Variants in CPQ observed in about 807,000 individuals in gnomAD.
The protein encoded by CPQ is Ser-Met dipeptidase.
CPQ carries 37 observed loss-of-function variants against 45.7 expected under a neutral mutation model. The ratio of observed to expected loss-of-function variants is 0.81; its 90% CI spans 0.62 to 1.07. The LOEUF (loss-of-function observed/expected upper bound fraction) is 1.07, where lower values mean the gene tolerates loss of function less well. CPQ is among the 50% of genes least tolerant of loss of function. The pLI is 0.00. For missense variants in CPQ, 537 were observed against 572.9 expected (o/e 0.94, Z 0.64); for synonymous variants, 186 against 205.8 (o/e 0.90, Z 0.82).
intron 6 of CPQ, 43 bp downstream of exon 6, chr8:97,029,537 T>C (rs1809861015): frequency 2.0e-6 from 3 of 1,509,366 alleles, no homozygotes; most frequent in Admixed American, 3.8e-5. Flanking sequence ...GTACATGTAA[T>C]ATACAAAAAT....
chr8:97,070,532 A>C (rs1810722262), intron 7 of CPQ, among the ~76,000 whole-genome samples: 1 of 152,182 alleles, frequency 6.6e-6, no homozygotes, highest in Admixed American at 6.6e-5. Flanking sequence ...AAGCTTTTAG[A>C]TACTTCAGTT....
chr8:96,787,064 C>T (rs1006163101), intron 2 of CPQ, among the ~76,000 whole-genome samples: 6 of 151,672 alleles, frequency 4.0e-5, no homozygotes, highest in Admixed American at 3.3e-4. Context: ...CTTTTGTTGC[C>T]TGTGCTTTTG....
At chr8:97,022,617 CAT>C (rs1204307651) in intron 5 of CPQ, among the ~76,000 whole-genome samples, 4 of 152,094 alleles carry the variant, frequency 2.6e-5, no homozygotes, top group South Asian at 2.1e-4. Flanking sequence ...GGCCAACAAA[CAT>C]ATGAAAAAAT....
chr8:96,674,324 A>G (rs1250822449), intron 1 of CPQ, among the ~76,000 whole-genome samples: 1 of 152,086 alleles, frequency 6.6e-6, no homozygotes, highest in African/African-American at 2.4e-5. Flanking sequence ...GTTTATTGAG[A>G]CTGATAAATA....
At chr8:96,742,551 A>T (rs1810107931) in intron 1 of CPQ, among the ~76,000 whole-genome samples, 2 of 150,458 alleles carry the variant, frequency 1.3e-5, no homozygotes, top group Admixed American at 1.3e-4. Context: ...TCCTTAGTTG[A>T]TGCAGTTTCT....
chr8:97,039,234 C>A (rs1229940184), intron 6 of CPQ, among the ~76,000 whole-genome samples: 1 of 152,072 alleles, frequency 6.6e-6, no homozygotes, highest in African/African-American at 2.4e-5. Flanking sequence ...GAACAGAACC[C>A]TTTATAAAGA....
chr8:96,900,649 T>A (rs1812502140), intron 4 of CPQ, among the ~76,000 whole-genome samples: 1 of 152,202 alleles, frequency 6.6e-6, no homozygotes, highest in African/African-American at 2.4e-5. Context: ...TAGTGCTGCT[T>A]ATAAATGATG....
chr8:96,926,017 T>C (rs916775768), intron 4 of CPQ, among the ~76,000 whole-genome samples: 9 of 152,174 alleles, frequency 5.9e-5, no homozygotes, highest in South Asian at 4.1e-4. Flanking sequence ...GCTCAAGTTA[T>C]TACAATGTGC....
chr8:96,833,342 GAC>G (rs1302476941), intron 2 of CPQ, among the ~76,000 whole-genome samples: 1 of 152,096 alleles, frequency 6.6e-6, no homozygotes, highest in Non-Finnish European at 1.5e-5. Flanking sequence ...TGGAAGCATA[GAC>G]CATAATGAAG....
At chr8:96,967,044 C>G (rs1348127872) in intron 5 of CPQ, among the ~76,000 whole-genome samples, 1 of 152,228 alleles carries the variant, frequency 6.6e-6, no homozygotes, top group Non-Finnish European at 1.5e-5. Context: ...CTGAAAATCA[C>G]ACATTCCTTC....
intron 2 of CPQ, among the ~76,000 whole-genome samples, chr8:96,816,147 T>G (rs751231222): frequency 1.3e-5 from 2 of 152,178 alleles, no homozygotes; most frequent in Non-Finnish European, 2.9e-5. Context: ...ACAGTAGGAC[T>G]TCCAAAATTG....
Position 96,741,586 on chromosome 8 carries a change from T to A in CPQ, c.-34-43278T>A, listed in dbSNP as rs1310946989. Among the ~76,000 whole-genome samples the A allele has an allele frequency of 5.9e-5, 9 of 152,346 alleles. No individual in the cohort carries two copies. In the South Asian group the frequency reaches 1.7e-3, roughly 28 times the overall value. On this transcript the variant is annotated intron_variant, in intron 1 of 7. Transcript: ENST00000220763. ...GATGTTAGGGTGTCAATTTTGGATC[T>A]TTCCTGCTTTCTCTTGTGGGCGTTT...
At chr8:96,769,987 T>C (rs1363233036) in intron 1 of CPQ, among the ~76,000 whole-genome samples, 1 of 152,198 alleles carries the variant, frequency 6.6e-6, no homozygotes. Flanking sequence ...TTTGTTGTTT[T>C]ATACACTCAG....
At chr8:97,021,560 C>T (rs1054404661) in intron 5 of CPQ, among the ~76,000 whole-genome samples, 1 of 152,040 alleles carries the variant, frequency 6.6e-6, no homozygotes, top group African/African-American at 2.4e-5. Flanking sequence ...TTCTATATAC[C>T]AATAGTGACC....
intron 4 of CPQ, among the ~76,000 whole-genome samples, chr8:96,898,832 C>T (rs1420770164): frequency 2.0e-5 from 3 of 146,672 alleles, no homozygotes; most frequent in East Asian, 2.0e-4. Context: ...CTTGTTGGGT[C>T]GGGGAGTGGC....
chr8:97,125,916 T>C (rs1472072643), intron 7 of CPQ, among the ~76,000 whole-genome samples: 4 of 152,256 alleles, frequency 2.6e-5, no homozygotes, highest in Middle Eastern at 3.4e-3. Context: ...GCAAAGGAAG[T>C]AGTAAAATTA....
chr8:96,817,075 T>A (rs958301373), intron 2 of CPQ, among the ~76,000 whole-genome samples: 37 of 152,284 alleles, frequency 2.4e-4, no homozygotes, highest in African/African-American at 8.7e-4. Context: ...AAGCTTTGAA[T>A]CCAGGCATTG....
At chr8:96,762,499 T>C (rs1810417210) in intron 1 of CPQ, among the ~76,000 whole-genome samples, 1 of 152,224 alleles carries the variant, frequency 6.6e-6, no homozygotes, top group Admixed American at 6.5e-5. Flanking sequence ...CCAAACATTA[T>C]GTTAATAAAT....
At chr8:97,012,571 T>C (rs1430561157) in intron 5 of CPQ, among the ~76,000 whole-genome samples, 1 of 152,184 alleles carries the variant, frequency 6.6e-6, no homozygotes, top group African/African-American at 2.4e-5. Flanking sequence ...GTTCACAGAC[T>C]GAATACACCT....
Sources: gnomAD v4.1 joint callset for allele counts (sites outside exome capture counted in the v4.1 genomes callset) on GRCh38, gnomAD v4.1.1 for gene constraint, MANE v1.5 for transcripts, NCBI Gene and HGNC (gene_info 2026-07-23, HGNC 2026-07-21) for gene names.